Variants in CTNNA3 observed in about 807,000 individuals in gnomAD.
CTNNA3 encodes catenin alpha-3.
In CTNNA3, 76 loss-of-function variants were observed where a neutral mutation model predicts 95.7. That is an observed-to-expected ratio of 0.79 (90% CI 0.66 to 0.96). The LOEUF is 0.96. Ranked by LOEUF, CTNNA3 falls within the 40% of genes least tolerant of loss-of-function variation. The pLI, the probability that CTNNA3 is intolerant of heterozygous loss-of-function variation, is 0.00. For missense variants in CTNNA3, 1,191 were observed against 1,089.8 expected (o/e 1.09, Z -1.31); for synonymous variants, 431 against 374.4 (o/e 1.15, Z -1.74).
rs1454713219 is a variant in CTNNA3 at position 65,914,300 on chromosome 10, C to G, written c.*6030G>C. 6.6e-6 allele frequency: 1 copy of G among 152,036 alleles called. No homozygotes were observed. The highest frequency in any genetic ancestry group is 1.5e-5 in the Non-Finnish European group (1 of 67,996). The allele number at this position is 152,036 out of a possible 1,614,324, so 9.4% of individuals were successfully genotyped here. ...CATAAAAGTGAAGATCCCCAATATA[C>G]ACATCCATTGCTCAAACTAGGAATG... On this transcript the variant is annotated 3_prime_UTR_variant, in exon 18 of 18. Transcript: ENST00000433211.
intron 13 of CTNNA3, among the ~76,000 whole-genome samples, chr10:66,122,568 A>G (rs1377581224): frequency 6.6e-6 from 1 of 152,228 alleles, no homozygotes; most frequent in African/African-American, 2.4e-5. Context: ...AACCAAAGAC[A>G]TCTTGAAGAA....
At chr10:67,476,723 C>G (rs186739673) in intron 5 of CTNNA3, among the ~76,000 whole-genome samples, 82 of 152,052 alleles carry the variant, frequency 5.4e-4, no homozygotes, top group African/African-American at 1.5e-3. Flanking sequence ...CCTGAGCCAC[C>G]CTACACTTCC....
chr10:67,517,427 T>A (rs1176463325), intron 5 of CTNNA3, among the ~76,000 whole-genome samples: 2 of 152,190 alleles, frequency 1.3e-5, no homozygotes, highest in Admixed American at 6.6e-5. Context: ...AAGTTTGTTT[T>A]AAATTCAATT....
intron 1 of CTNNA3, among the ~76,000 whole-genome samples, chr10:67,684,200 C>T (rs1005958124): frequency 6.6e-6 from 1 of 152,170 alleles, no homozygotes; most frequent in Non-Finnish European, 1.5e-5. Flanking sequence ...CTGATTGGCA[C>T]GTTTACAAAC....
intron 1 of CTNNA3, among the ~76,000 whole-genome samples, chr10:67,759,109 T>G (rs1841449395): frequency 6.6e-6 from 1 of 152,214 alleles, no homozygotes; most frequent in Admixed American, 6.5e-5. Context: ...CACAATTAAT[T>G]GCTGAAGCTT....
chr10:67,700,604 T>A (rs1045749148), upstream of CTNNA3, among the ~76,000 whole-genome samples: 1 of 152,084 alleles, frequency 6.6e-6, no homozygotes, highest in African/African-American at 2.4e-5. Context: ...AGAAAGGACA[T>A]CCACACCAAA....
At chr10:67,341,186 G>A (rs949064042) in intron 5 of CTNNA3, among the ~76,000 whole-genome samples, 1 of 152,038 alleles carries the variant, frequency 6.6e-6, no homozygotes, top group Non-Finnish European at 1.5e-5. Flanking sequence ...TATCCTTTGT[G>A]TTACAATCAA....
chr10:66,663,492 C>T (rs1014974646), intron 9 of CTNNA3, among the ~76,000 whole-genome samples: 2 of 151,712 alleles, frequency 1.3e-5, no homozygotes, highest in East Asian at 1.9e-4. Context: ...AAAAAATCCT[C>T]ACCAGTAACC....
At chr10:67,525,439 T>C (rs1840112759) in intron 4 of CTNNA3, among the ~76,000 whole-genome samples, 1 of 152,234 alleles carries the variant, frequency 6.6e-6, no homozygotes, top group African/African-American at 2.4e-5. Context: ...CAAATTATTT[T>C]GCAAGAAAGA....
intron 11 of CTNNA3, among the ~76,000 whole-genome samples, chr10:66,490,621 A>G (rs2441742): frequency 0.21 from 32,504 of 151,862 alleles, 6,605 homozygotes; most frequent in East Asian, 0.84. Context: ...ACATTTCTAC[A>G]GTATCATTAG....
chr10:66,360,605 TTCTTTCTTTCTTTC>T (rs1489650919), intron 12 of CTNNA3, among the ~76,000 whole-genome samples: 9 of 52,868 alleles, frequency 1.7e-4, no homozygotes, highest in Middle Eastern at 0.011. Flanking sequence ...CCTTCTTTCT[TTCTTTCTTTCTTTC>T]TTTCTTTCTT....
At chr10:66,213,898 G>T (rs1016359539) in intron 13 of CTNNA3, among the ~76,000 whole-genome samples, 1 of 152,176 alleles carries the variant, frequency 6.6e-6, no homozygotes, top group Non-Finnish European at 1.5e-5. Context: ...TCCCTTAGAA[G>T]TGCTTCAAGA....
At chr10:67,699,650 G>A (rs192221844), upstream of CTNNA3, among the ~76,000 whole-genome samples, 1 of 152,360 alleles carries the variant, frequency 6.6e-6, no homozygotes, top group East Asian at 1.9e-4. Flanking sequence ...GAGCCAAGAT[G>A]GCTGAATAGG....
intron 17 of CTNNA3, among the ~76,000 whole-genome samples, chr10:65,962,258 G>A (rs1007297170): frequency 3.3e-5 from 5 of 151,940 alleles, no homozygotes; most frequent in African/African-American, 1.2e-4. Context: ...TTTCTCCTTG[G>A]ATGCCCCTTG....
intron 7 of CTNNA3, among the ~76,000 whole-genome samples, chr10:66,931,092 G>A (rs1847361145): frequency 6.7e-6 from 1 of 148,502 alleles, no homozygotes; most frequent in South Asian, 2.2e-4. Context: ...ATTTGTATAA[G>A]TATTTCAAGT....
intron 7 of CTNNA3, among the ~76,000 whole-genome samples, chr10:66,890,837 C>G (rs1417341061): frequency 3.9e-5 from 6 of 151,982 alleles, no homozygotes; most frequent in African/African-American, 1.4e-4. Flanking sequence ...AGGGACGATG[C>G]CACCACTGAA....
Position 66,712,708 on chromosome 10 carries a change from A to G in CTNNA3, c.1281+53556T>C, listed in dbSNP as rs141724751. ...GTGTTTCTTTCCTTTGGAGCTCTATAGTAGCATAAGAAAACCTTGCTGAAA... is the reference window on the plus strand; with the variant it reads ...GTGTTTCTTTCCTTTGGAGCTCTATGGTAGCATAAGAAAACCTTGCTGAAA... On this transcript the variant is annotated intron_variant, in intron 9 of 17. Transcript: ENST00000433211. Among the ~76,000 whole-genome samples, 528 of 152,206 alleles carry G rather than the reference A, an allele frequency of 3.5e-3. 2 individuals are homozygous for G. Among genetic ancestry groups the G allele is most frequent in the African/African-American group, 8.9e-3 (369 of 41,528 alleles).
intron 5 of CTNNA3, among the ~76,000 whole-genome samples, chr10:67,336,628 G>A (rs1200500127): frequency 6.6e-6 from 1 of 152,198 alleles, no homozygotes; most frequent in Non-Finnish European, 1.5e-5. Flanking sequence ...TTCAGAGCTA[G>A]AGAGGAAAAG....
At chr10:66,488,274 G>A (rs374559939) in intron 11 of CTNNA3, among the ~76,000 whole-genome samples, 69 of 152,080 alleles carry the variant, frequency 4.5e-4, no homozygotes, top group Non-Finnish European at 9.3e-4. Context: ...TATAGTTAGC[G>A]ATAAGAACCT....
Sources: gnomAD v4.1 joint callset for allele counts (sites outside exome capture counted in the v4.1 genomes callset) on GRCh38, gnomAD v4.1.1 for gene constraint, MANE v1.5 for transcripts, NCBI Gene and HGNC (gene_info 2026-07-23, HGNC 2026-07-21) for gene names.